The following ADGRB1 variants were observed in gnomAD, a reference collection of about 807,000 sequenced individuals.
ADGRB1 encodes brain-specific angiogenesis inhibitor 1.
Under a neutral mutation model 175.7 loss-of-function variants are expected in ADGRB1, and 36 were observed. That is an observed-to-expected ratio of 0.20 (90% confidence interval 0.16 to 0.27). The LOEUF is 0.27. Among genes scored for constraint, ADGRB1 ranks in the 10% least tolerant of loss-of-function variants. ADGRB1 has a pLI of 1.00. For synonymous variants in ADGRB1, 1,054 were observed against 979.4 expected (o/e 1.08, Z -1.42); for missense variants, 1,731 against 2,255.3 (o/e 0.77, Z 4.71).
At chr8:142,502,420 ATGG>A (rs1563719070) in intron 17 of ADGRB1, among the ~76,000 whole-genome samples, 1 of 2,128 alleles carries the variant, frequency 4.7e-4, no homozygotes, top group Non-Finnish European at 8.9e-4. Context: ...GGTGGTGGTG[ATGG>A]TGGTGGTGGT....
In ADGRB1 at chr8:142,464,364, T is replaced by C; in HGVS notation, c.166T>C (p.Ser56Pro). 6.6e-7 allele frequency: 1 copy of C among 1,521,354 alleles called. No individual in the cohort carries two copies. The allele number at this position is 1,521,354 out of a possible 1,614,324, so 94.2% of individuals were successfully genotyped here. A position where few individuals can be genotyped will look rare whatever the true frequency, so the allele number is the denominator to read the frequency against. The change falls in exon 2 of 31, where the codon TCC (serine) becomes CCC (proline). Residue 56 changes from serine (S) to proline (P), a missense_variant. By Grantham distance (74) the Ser-to-Pro change is moderately conservative (BLOSUM62 -1). Around this residue, in one of 8 missense-constraint regions of ADGRB1, gnomAD observed 383 missense variants for 383.1 expected, o/e 1.00. Coordinates refer to ENST00000517894, the MANE Select transcript of ADGRB1 (RefSeq NM_001702.3). Reference sequence around the variant, plus strand: ...GCAGGGAAAGTTCTTCGGCTACTTCTCCGCGGCCGCCGTGTTCCCGGCCAA... The same window carrying C: ...GCAGGGAAAGTTCTTCGGCTACTTCCCCGCGGCCGCCGTGTTCCCGGCCAA... ...LVQGKFFGYF[S>P]AAAVFPANAS...
At chr8:142,509,269 G>C (rs1006039562) in intron 17 of ADGRB1, among the ~76,000 whole-genome samples, 6 of 152,232 alleles carry the variant, frequency 3.9e-5, no homozygotes, top group African/African-American at 1.4e-4. Flanking sequence ...GCGCTGTCCA[G>C]AGTGGAGTGG....
chr8:142,528,140 C>T (rs1427495140), intron 24 of ADGRB1, among the ~76,000 whole-genome samples: 4 of 152,228 alleles, frequency 2.6e-5, no homozygotes, highest in Non-Finnish European at 5.9e-5. Flanking sequence ...CACGCATGGG[C>T]ACACACACGT....
intron 2 of ADGRB1, among the ~76,000 whole-genome samples, chr8:142,465,252 G>A (rs1840210419): frequency 6.6e-6 from 1 of 152,338 alleles, no homozygotes; most frequent in South Asian, 2.1e-4. Flanking sequence ...CACTGCAGGT[G>A]TGCAGGGCCA....
chr8:142,451,066 A>G (rs886248389), intron 1 of ADGRB1, among the ~76,000 whole-genome samples: 3 of 152,060 alleles, frequency 2.0e-5, no homozygotes, highest in Non-Finnish European at 4.4e-5. Flanking sequence ...CCTCCTGGGG[A>G]GGCTGGGAGC....
chr8:142,527,734 G>A (rs1288605788), intron 24 of ADGRB1, among the ~76,000 whole-genome samples: 4 of 152,228 alleles, frequency 2.6e-5, no homozygotes, highest in Non-Finnish European at 5.9e-5. Flanking sequence ...GTCTGAGCAT[G>A]GCAGACTGCC....
Position 142,510,771 on chromosome 8 carries a change from C to G in ADGRB1, c.2676-161C>G, listed in dbSNP as rs895595270. On this transcript the variant is annotated intron_variant, in intron 17 of 30. Transcript: ENST00000517894. This position sits in a 1 kb window ranked among gnomAD's most constrained non-coding sequence, Gnocchi z 6.3. ...TGGGCGCCCGGGCCGCGGGGCCTGG[C>G]GGCGGCGGGCGGACGGGCGCGCGGC... 1.9e-4 allele frequency among the ~76,000 whole-genome samples: 27 copies of G among 145,278 alleles called. No individual in the cohort carries two copies. The highest frequency in any genetic ancestry group is 6.7e-4 in the African/African-American group (27 of 40,536).
chr8:142,481,110 T>C (rs1841311094), intron 9 of ADGRB1, 144 bp from the exon 10 acceptor site: 7 of 702,364 alleles, frequency 1.0e-5, no homozygotes, highest in Non-Finnish European at 2.5e-6. Context: ...CTGCGTGGAC[T>C]CTGCTCTCGG....
chr8:142,530,162 T>C (rs2132203115), intron 24 of ADGRB1, among the ~76,000 whole-genome samples: 1 of 152,200 alleles, frequency 6.6e-6, no homozygotes, highest in East Asian at 1.9e-4. Flanking sequence ...TGCCTGTGTG[T>C]GCGTGTGTGT....
chr8:142,465,058 C>T (rs1290369230), intron 2 of ADGRB1, 76 bp downstream of exon 2: 2 of 280,966 alleles, frequency 7.1e-6, no homozygotes, highest in African/African-American at 3.6e-5. Flanking sequence ...GGGAGGCGGG[C>T]GGATGGGGGA....
At chr8:142,517,129 G>A (rs1365359321) in intron 18 of ADGRB1, among the ~76,000 whole-genome samples, 2 of 152,162 alleles carry the variant, frequency 1.3e-5, no homozygotes, top group South Asian at 2.1e-4. Context: ...GGAACCAGGG[G>A]GCCTGGGGGG....
intron 17 of ADGRB1, among the ~76,000 whole-genome samples, chr8:142,502,018 G>T (rs1280072614): frequency 1.3e-5 from 2 of 150,854 alleles, no homozygotes; most frequent in African/African-American, 4.9e-5. Context: ...AGTGATGGTT[G>T]TGTGGTTTTG....
chr8:142,455,152 C>A lies in ADGRB1; in HGVS notation c.-220+5048C>A, dbSNP rs1255478791. 6.7e-6 allele frequency among the ~76,000 whole-genome samples: 1 copy of A among 149,942 alleles called. No individual in the cohort carries two copies. The highest frequency in any genetic ancestry group is 1.5e-5 in the Non-Finnish European group (1 of 67,498). ...ATTGCCCCCGAGGCTACCTCAGCCG[C>A]ACCCTGCCGCCGGCACCACACTGCA... is the stretch of plus-strand genomic sequence containing the variant. On this transcript the variant is annotated intron_variant, in intron 1 of 30. Transcript: ENST00000517894. This position sits in a 1 kb window ranked among gnomAD's most constrained non-coding sequence, Gnocchi z 4.9.
At chr8:142,501,748 C>T (rs1175229169) in intron 17 of ADGRB1, among the ~76,000 whole-genome samples, 3 of 38,614 alleles carry the variant, frequency 7.8e-5, no homozygotes, top group African/African-American at 1.9e-4. Flanking sequence ...ATGGTGGTGG[C>T]GGTGATGGCA....
intron 27 of ADGRB1, among the ~76,000 whole-genome samples, chr8:142,541,055 G>A (rs1039652638): frequency 1.3e-5 from 2 of 152,078 alleles, no homozygotes; most frequent in African/African-American, 4.8e-5. Flanking sequence ...GGCTGGCTTG[G>A]CGTGGTGGGT....
At chr8:142,461,247 T>C (rs920000615) in intron 1 of ADGRB1, among the ~76,000 whole-genome samples, 2 of 152,214 alleles carry the variant, frequency 1.3e-5, no homozygotes, top group Middle Eastern at 3.2e-3. Context: ...CACCAAGGCA[T>C]GGCCCCTCTG....
intron 7 of ADGRB1, 28 bp downstream of exon 7, chr8:142,478,388 G>A: frequency 1.9e-6 from 3 of 1,563,662 alleles, no homozygotes; most frequent in African/African-American, 2.7e-5. Flanking sequence ...CTGGGGTCGG[G>A]GGGCACCTAA....
chr8:142,511,612 C>T lies in ADGRB1; in HGVS notation c.2817+539C>T, dbSNP rs370164927. Among the ~76,000 whole-genome samples the T allele has an allele frequency of 6.6e-6, 1 of 152,208 alleles. No individual in the cohort carries two copies. Among genetic ancestry groups the T allele is most frequent in the Non-Finnish European group, 1.5e-5 (1 of 68,016 alleles). On this transcript the variant is annotated intron_variant, in intron 18 of 30. Transcript: ENST00000517894. This position sits in a 1 kb window ranked among gnomAD's most constrained non-coding sequence, Gnocchi z 4.5. ...TCCACCGCCCCCCAGGCCTCAGCACCTCGGGGCTTCCTTTTTGTTCCTGTG... is the reference window on the plus strand; with the variant it reads ...TCCACCGCCCCCCAGGCCTCAGCACTTCGGGGCTTCCTTTTTGTTCCTGTG...
intron 14 of ADGRB1, 32 bp from the exon 15 acceptor site, chr8:142,489,003 C>G (rs776640822): frequency 8.1e-5 from 129 of 1,602,040 alleles, no homozygotes; most frequent in Non-Finnish European, 9.8e-5. Context: ...GTGGGGATGG[C>G]GGGCCGGGGT....
Sources: allele counts gnomAD v4.1 joint callset (sites outside exome capture counted in the v4.1 genomes callset), GRCh38; gene constraint gnomAD v4.1.1; regional missense constraint gnomAD v4.1.1; non-coding constraint Gnocchi (gnomAD v3.1); transcripts MANE v1.5; gene names NCBI Gene and HGNC (gene_info 2026-07-23, HGNC 2026-07-21).